Variants in CCSER2 observed in about 807,000 individuals in gnomAD.
CCSER2 encodes the protein serine-rich coiled-coil domain-containing protein 2.
CCSER2 carries 46 observed loss-of-function variants against 92.3 expected under a neutral mutation model. The ratio of observed to expected loss-of-function variants is 0.50; its 90% confidence interval spans 0.39 to 0.64. The LOEUF is 0.64. Ranked by LOEUF, CCSER2 falls within the 30% of genes least tolerant of loss-of-function variation. The probability of loss-of-function intolerance (pLI) is 0.00; values close to 1 mark genes in which losing one functional copy is unlikely to be tolerated. For missense variants in CCSER2, 1,244 were observed against 1,238.9 expected, an observed-to-expected ratio of 1.00 and a Z score of -0.06; for synonymous variants, 433 against 431.4, an observed-to-expected ratio of 1.00 and a Z score of -0.04.
At chr10:84,340,169 C>A (rs538928787) in intron 1 of CCSER2, among the ~76,000 whole-genome samples, 7 of 152,328 alleles carry the variant, frequency 4.6e-5, no homozygotes, top group African/African-American at 1.7e-4. Context: ...AAGAGCCCAA[C>A]ATAGATGCCT....
intron 1 of CCSER2, among the ~76,000 whole-genome samples, chr10:84,357,581 C>G (rs1293349245): frequency 2.0e-5 from 3 of 151,822 alleles, no homozygotes; most frequent in Non-Finnish European, 2.9e-5. Context: ...TCCCGAGTAG[C>G]TGGGACTACA....
chr10:84,378,798 C>T (rs180753678), intron 3 of CCSER2, among the ~76,000 whole-genome samples: 2 of 152,270 alleles, frequency 1.3e-5, no homozygotes, highest in Non-Finnish European at 1.5e-5. Flanking sequence ...GCCTTGAACT[C>T]CTGGGCTGAA....
At chr10:84,368,392 C>A (rs1050575097) in intron 1 of CCSER2, among the ~76,000 whole-genome samples, 1 of 151,662 alleles carries the variant, frequency 6.6e-6, no homozygotes, top group African/African-American at 2.4e-5. Context: ...CTGAAAAAAA[C>A]CACATACACA....
At chr10:84,432,544 G>A (rs556146100) in intron 5 of CCSER2, among the ~76,000 whole-genome samples, 22 of 152,288 alleles carry the variant, frequency 1.4e-4, no homozygotes, top group African/African-American at 5.1e-4. Context: ...TAGAATAATG[G>A]CCTCTAGCTA....
At position 84,372,487 on chromosome 10, in the gene CCSER2, T is replaced by G. The variant is rs966427126; in HGVS notation, c.1417+18T>G. On this transcript the variant is annotated intron_variant, in intron 2 of 9. Coordinates refer to ENST00000372088, the MANE Select transcript of CCSER2 (RefSeq NM_001284240.2). Reference sequence around the variant, plus strand: ...TGTCTCTGGTAAATATTACTTACCTTAAGTTTTTTTGCTTTCTTTTAAATA... The same window carrying G: ...TGTCTCTGGTAAATATTACTTACCTGAAGTTTTTTTGCTTTCTTTTAAATA... 1 of 1,401,818 alleles carries G rather than the reference T, an allele frequency of 7.1e-7. No individual in the cohort carries two copies. Among genetic ancestry groups the G allele is most frequent in the African/African-American group, 1.4e-5 (1 of 69,208 alleles). The allele number at this position is 1,401,818 out of a possible 1,614,324, so 86.8% of individuals were successfully genotyped here.
chr10:84,356,696 A>T (rs1220393921), intron 1 of CCSER2, among the ~76,000 whole-genome samples: 1 of 152,214 alleles, frequency 6.6e-6, no homozygotes, highest in East Asian at 1.9e-4. Context: ...TTAGTAACCC[A>T]ATATAGTTTG....
intron 6 of CCSER2, among the ~76,000 whole-genome samples, chr10:84,449,630 A>G (rs1383823705): frequency 6.6e-6 from 1 of 152,096 alleles, no homozygotes. Flanking sequence ...CAAGGTGGGC[A>G]GATCACCTGT....
intron 3 of CCSER2, among the ~76,000 whole-genome samples, chr10:84,379,362 T>C (rs1035817835): frequency 1.3e-5 from 2 of 152,176 alleles, no homozygotes; most frequent in African/African-American, 4.8e-5. Flanking sequence ...TGGGCTTTGC[T>C]GATTTTTCTA....
intron 9 of CCSER2, among the ~76,000 whole-genome samples, chr10:84,482,506 AATTT>A (rs1450314012): frequency 6.6e-6 from 1 of 152,200 alleles, no homozygotes; most frequent in African/African-American, 2.4e-5. Flanking sequence ...TCTTGGACTG[AATTT>A]ATTTTTATGT....
At chr10:84,455,351 C>G (rs1172137729) in intron 6 of CCSER2, 1 of 161,978 alleles carries the variant, frequency 6.2e-6, no homozygotes, top group African/African-American at 2.5e-5. Flanking sequence ...TCTCGGCTCA[C>G]TGCAACTTCC....
chr10:84,389,322 G>A (rs1211685901), intron 3 of CCSER2: 4 of 522,912 alleles, frequency 7.6e-6, no homozygotes, highest in Non-Finnish European at 1.1e-5. Flanking sequence ...CACATCTGTC[G>A]AGCAATGTTG....
intron 1 of CCSER2, among the ~76,000 whole-genome samples, chr10:84,355,031 T>C (rs1428005792): frequency 1.3e-5 from 2 of 152,120 alleles, no homozygotes; most frequent in Non-Finnish European, 2.9e-5. Flanking sequence ...ATTGCTGATA[T>C]CTTTTGTACC....
intron 3 of CCSER2, among the ~76,000 whole-genome samples, chr10:84,393,132 T>C (rs1181227434): frequency 6.6e-6 from 1 of 152,172 alleles, no homozygotes; most frequent in Non-Finnish European, 1.5e-5. Flanking sequence ...TATAGACATA[T>C]AAAGTACTGT....
At chr10:84,330,046 A>G (rs1161607017) in intron 1 of CCSER2, among the ~76,000 whole-genome samples, 1 of 152,244 alleles carries the variant, frequency 6.6e-6, no homozygotes, top group Non-Finnish European at 1.5e-5. Flanking sequence ...GAAAGTCTCT[A>G]TTAAGAATTC....
chr10:84,505,075 T>C (rs1435507261), intron 9 of CCSER2, among the ~76,000 whole-genome samples: 2 of 152,188 alleles, frequency 1.3e-5, no homozygotes, highest in South Asian at 2.1e-4. Context: ...TATTATGTTA[T>C]AAAGTTGAAT....
At chr10:84,462,934 G>A (rs1326037433) in intron 6 of CCSER2, among the ~76,000 whole-genome samples, 2 of 152,190 alleles carry the variant, frequency 1.3e-5, no homozygotes, top group African/African-American at 2.4e-5. Flanking sequence ...AAGGTTGCTG[G>A]TTCAGTCACT....
At chr10:84,378,115 A>G (rs1846437206) in intron 3 of CCSER2, among the ~76,000 whole-genome samples, 1 of 152,234 alleles carries the variant, frequency 6.6e-6, no homozygotes, top group East Asian at 1.9e-4. Context: ...TCAGAGAGAA[A>G]GCCTTAATAG....
chr10:84,378,734 C>T (rs1029919819), intron 3 of CCSER2, among the ~76,000 whole-genome samples: 1 of 152,112 alleles, frequency 6.6e-6, no homozygotes, highest in African/African-American at 2.4e-5. Flanking sequence ...CGCGCCCGGC[C>T]TAAAAATTAA....
At chr10:84,482,769 CCTG>C (rs1473232153) in intron 9 of CCSER2, among the ~76,000 whole-genome samples, 1 of 152,118 alleles carries the variant, frequency 6.6e-6, no homozygotes, top group African/African-American at 2.4e-5. Context: ...AAAGGATCTA[CCTG>C]ACCTGTCATG....
Sources: gnomAD v4.1 joint callset for allele counts (sites outside exome capture counted in the v4.1 genomes callset) on GRCh38, gnomAD v4.1.1 for gene constraint, MANE v1.5 for transcripts, NCBI Gene and HGNC (gene_info 2026-07-23, HGNC 2026-07-21) for gene names.